The following PAX3 variants were observed in gnomAD, a reference collection of about 807,000 sequenced individuals.
PAX3 encodes paired box 3.
In PAX3, 14 loss-of-function variants were observed where a neutral mutation model predicts 51.6. That is an observed-to-expected ratio of 0.27 (90% CI 0.18 to 0.42). The LOEUF is 0.42. Ranked by LOEUF, PAX3 falls within the 10% of genes least tolerant of loss-of-function variation. The pLI is 1.00. For synonymous variants in PAX3, 280 were observed against 253.4 expected, an observed-to-expected ratio of 1.11 and a Z score of -1.00; for missense variants, 540 against 642.8, an observed-to-expected ratio of 0.84 and a Z score of 1.73.
rs373626774 is a variant in PAX3, at chr2:222,201,034, T to TACAC, written c.*370_*373dup. The TACAC allele has an allele frequency of 8.6e-5, 69 of 800,958 alleles. No individual in the cohort carries two copies. The highest frequency in any genetic ancestry group is 5.7e-4 in the African/African-American group (33 of 57,852). 49.6% of individuals were successfully genotyped at this position (800,958 alleles called of 1,614,324 possible). A position where few individuals can be genotyped will look rare whatever the true frequency, so the allele number is the denominator to read the frequency against. ...CCAAACCAGTCTGGGTAAATCTCAATACACACACACACACACACACGCACG... is the reference window on the plus strand; with the variant it reads ...CCAAACCAGTCTGGGTAAATCTCAATACACACACACACACACACACACACGCACG... On this transcript the variant is annotated 3_prime_UTR_variant, in exon 9 of 9. Transcript: ENST00000392070.
intron 5 of PAX3, among the ~76,000 whole-genome samples, chr2:222,226,915 G>C (rs1403402647): frequency 6.6e-6 from 1 of 151,794 alleles, no homozygotes; most frequent in African/African-American, 2.4e-5. Flanking sequence ...CTAGTTAACA[G>C]TTGTATATAC....
At chr2:222,228,537 AC>A (rs1424006125) in intron 5 of PAX3, among the ~76,000 whole-genome samples, 1 of 152,136 alleles carries the variant, frequency 6.6e-6, no homozygotes. Flanking sequence ...AGAGAACAAC[AC>A]CGAACACTCC....
chr2:222,232,763 C>G (rs1692646977), intron 4 of PAX3, among the ~76,000 whole-genome samples: 1 of 152,148 alleles, frequency 6.6e-6, no homozygotes, highest in African/African-American at 2.4e-5. Context: ...ATTATGAAAT[C>G]TGTTAAATGT....
chr2:222,209,985 C>T (rs192657544), intron 7 of PAX3, among the ~76,000 whole-genome samples: 66 of 152,272 alleles, frequency 4.3e-4, no homozygotes, highest in Non-Finnish European at 8.1e-4. Context: ...AAGCTAGAAA[C>T]TACTACACCA....
At chr2:222,202,515 G>A (rs578022084) in intron 7 of PAX3, among the ~76,000 whole-genome samples, 3 of 151,828 alleles carry the variant, frequency 2.0e-5, no homozygotes, top group African/African-American at 7.2e-5. Context: ...TTTCAAAGAA[G>A]GGGGAAAAAA....
chr2:222,294,119 C>G (rs1379657838), intron 4 of PAX3, 48 bp downstream of exon 4: 1 of 1,612,298 alleles, frequency 6.2e-7, no homozygotes, highest in African/African-American at 1.3e-5. Flanking sequence ...CTAGCCGATG[C>G]CCTCCAAGTC....
At chr2:222,249,533 C>A (rs143608750) in intron 4 of PAX3, among the ~76,000 whole-genome samples, 3 of 152,294 alleles carry the variant, frequency 2.0e-5, no homozygotes, top group African/African-American at 7.2e-5. Context: ...CCCAAAAGTG[C>A]AGTGTTAGAA....
In PAX3 at chr2:222,221,546, G is replaced by C. The variant is rs982238756; in HGVS notation, c.793-159C>G. The C allele has an allele frequency of 5.7e-6, 4 of 707,328 alleles. No individual in the cohort carries two copies. The Admixed American group carries it at 8.7e-5, about 15-fold the overall frequency. 43.8% of individuals were successfully genotyped at this position (707,328 alleles called of 1,614,324 possible). A position where few individuals can be genotyped will look rare whatever the true frequency, so the allele number is the denominator to read the frequency against. On this transcript the variant is annotated intron_variant, in intron 5 of 8. Transcript: ENST00000392070. ...GTGTTGTTTGGGCGAATTGTCAGGA[G>C]TAAAAGAAGAGTTTAGTGTCAAAGG...
intron 5 of PAX3, among the ~76,000 whole-genome samples, chr2:222,230,854 CAAAAAAAAA>C (rs5838938): frequency 3.4e-4 from 37 of 108,706 alleles, no homozygotes; most frequent in African/African-American, 1.3e-3. Flanking sequence ...GACTCCACCT[CAAAAAAAAA>C]AAAAAAAAAA....
intron 5 of PAX3, 127 bp downstream of exon 5, chr2:222,231,951 T>G: frequency 1.2e-6 from 1 of 809,530 alleles, no homozygotes; most frequent in Non-Finnish European, 2.2e-6. Flanking sequence ...CCTAACAATA[T>G]GCATCCCTAG....
intron 4 of PAX3, among the ~76,000 whole-genome samples, chr2:222,261,059 A>G (rs553873733): frequency 3.5e-4 from 53 of 152,364 alleles, no homozygotes; most frequent in Non-Finnish European, 7.3e-4. Flanking sequence ...TAAAATTACT[A>G]TACTGATAAA....
At chr2:222,265,329 C>T (rs961101875) in intron 4 of PAX3, among the ~76,000 whole-genome samples, 2 of 152,140 alleles carry the variant, frequency 1.3e-5, no homozygotes, top group Admixed American at 6.6e-5. Context: ...ACGCTTTCCC[C>T]GTAGTTCTGT....
intron 5 of PAX3, among the ~76,000 whole-genome samples, chr2:222,222,170 G>T (rs1293852540): frequency 1.3e-5 from 2 of 152,056 alleles, no homozygotes; most frequent in African/African-American, 4.8e-5. Context: ...TGAGTCAATG[G>T]AGAGAAAGGG....
chr2:222,252,924 T>A (rs1012537092), intron 4 of PAX3, among the ~76,000 whole-genome samples: 1 of 152,166 alleles, frequency 6.6e-6, no homozygotes, highest in African/African-American at 2.4e-5. Context: ...CTGATGATCA[T>A]TGCTTTGACT....
intron 7 of PAX3, among the ~76,000 whole-genome samples, chr2:222,202,613 AAC>A (rs1691344305): frequency 6.6e-6 from 1 of 152,202 alleles, no homozygotes; most frequent in African/African-American, 2.4e-5. Context: ...GTGATTTTTA[AAC>A]AGTCATTTGC....
chr2:222,281,427 A>G (rs1482660232), intron 4 of PAX3, among the ~76,000 whole-genome samples: 3 of 152,250 alleles, frequency 2.0e-5, no homozygotes, highest in Non-Finnish European at 2.9e-5. Flanking sequence ...TGCTCTCCCC[A>G]GAAAACACCT....
At chr2:222,246,182 C>T (rs1460499630) in intron 4 of PAX3, among the ~76,000 whole-genome samples, 1 of 152,156 alleles carries the variant, frequency 6.6e-6, no homozygotes, top group African/African-American at 2.4e-5. Context: ...GACAATGTGT[C>T]CTAATCCCTG....
chr2:222,250,756 C>A (rs1693398653), intron 4 of PAX3, among the ~76,000 whole-genome samples: 1 of 152,122 alleles, frequency 6.6e-6, no homozygotes, highest in Non-Finnish European at 1.5e-5. Flanking sequence ...TTCTTAAATT[C>A]TAAATATGAC....
intron 4 of PAX3, among the ~76,000 whole-genome samples, chr2:222,241,474 A>C (rs1693013339): frequency 6.6e-6 from 1 of 152,200 alleles, no homozygotes; most frequent in Non-Finnish European, 1.5e-5. Flanking sequence ...GAATACATAA[A>C]ACAGTGCGTT....
Sources: gnomAD v4.1 joint callset for allele counts (sites outside exome capture counted in the v4.1 genomes callset) on GRCh38, gnomAD v4.1.1 for gene constraint, MANE v1.5 for transcripts, NCBI Gene and HGNC (gene_info 2026-07-23, HGNC 2026-07-21) for gene names.